KCNA6: variants seen among roughly 807,000 people sequenced by gnomAD.
KCNA6 encodes human brain potassium channel-2.
A neutral mutation model predicts 29.5 loss-of-function variants in KCNA6; 17 were observed. The observed-to-expected ratio is 0.58, with a 90% CI of 0.39 to 0.86. The LOEUF is 0.86. Ranked by LOEUF, KCNA6 falls within the 40% of genes least tolerant of loss-of-function variation. The pLI, the probability that KCNA6 is intolerant of heterozygous loss-of-function variation, is 0.00. For synonymous variants in KCNA6, 296 were observed against 304.7 expected, an observed-to-expected ratio of 0.97 and a Z score of 0.30; for missense variants, 450 against 703.4, an observed-to-expected ratio of 0.64 and a Z score of 4.07.
downstream of KCNA6, among the ~76,000 whole-genome samples, chr12:4,816,680 A>G (rs77965268): frequency 1.3e-5 from 2 of 152,134 alleles, no homozygotes; most frequent in African/African-American, 4.8e-5. Context: ...TTGTGGGTAC[A>G]TAAAGGTTTT....
the KCNA6 span, among the ~76,000 whole-genome samples, chr12:4,842,049 G>T: frequency 2.5e-4 from 38 of 151,070 alleles, no homozygotes; most frequent in African/African-American, 8.3e-4. Context: ...GTGTGTGTGT[G>T]TGTGTGTGTG....
chr12:4,812,325 G>T (rs1946640429), exon 1 of KCNA6: 1 of 167,244 alleles, frequency 6.0e-6, no homozygotes, highest in Non-Finnish European at 1.5e-5. Flanking sequence ...AAGAGGCACT[G>T]GTGTTCGGTC....
At chr12:4,827,142 C>T in the KCNA6 span, among the ~76,000 whole-genome samples, 1 of 124,990 alleles carries the variant, frequency 8.0e-6, no homozygotes, top group African/African-American at 2.8e-5. Flanking sequence ...TCCTCCCTCC[C>T]TCTCTCCCTC....
chr12:4,818,146 G>A (rs552224602), downstream of KCNA6, among the ~76,000 whole-genome samples: 16 of 152,312 alleles, frequency 1.1e-4, no homozygotes, highest in South Asian at 3.3e-3. Context: ...CGTGGCACCT[G>A]GCTAGTGGGG....
At chr12:4,836,787 C>T in the KCNA6 span, among the ~76,000 whole-genome samples, 2 of 152,196 alleles carry the variant, frequency 1.3e-5, no homozygotes, top group African/African-American at 2.4e-5. Flanking sequence ...GCATTGAGGG[C>T]ACCCAGTGGG....
the KCNA6 span, among the ~76,000 whole-genome samples, chr12:4,834,491 C>T: frequency 2.6e-5 from 4 of 152,220 alleles, no homozygotes; most frequent in South Asian, 2.1e-4. Flanking sequence ...ATGGCAGATA[C>T]GAGTAAACAG....
At chr12:4,849,460 C>T in the KCNA6 span, among the ~76,000 whole-genome samples, 6 of 149,386 alleles carry the variant, frequency 4.0e-5, no homozygotes, top group Non-Finnish European at 8.9e-5. Flanking sequence ...ACCTGATGGC[C>T]ACTGGAATTT....
the KCNA6 span, among the ~76,000 whole-genome samples, chr12:4,839,846 C>G: frequency 6.6e-6 from 1 of 152,314 alleles, no homozygotes; most frequent in African/African-American, 2.4e-5. Context: ...TCCCATTTAT[C>G]AGAGGAGGCC....
At chr12:4,822,902 T>C in the KCNA6 span, among the ~76,000 whole-genome samples, 4 of 152,228 alleles carry the variant, frequency 2.6e-5, no homozygotes, top group South Asian at 2.1e-4. Context: ...TGGTTTCAGC[T>C]CTCAGGTGGA....
chr12:4,849,493 T>A, the KCNA6 span, among the ~76,000 whole-genome samples: 1 of 27,788 alleles, frequency 3.6e-5, no homozygotes. Context: ...TTTGCTCTTT[T>A]TTTTTTTTTT....
exon 1 of KCNA6, chr12:4,809,662 G>A (rs1232520917): frequency 5.2e-6 from 1 of 193,376 alleles, no homozygotes; most frequent in African/African-American, 2.3e-5. Context: ...GAGCTAGCCC[G>A]GCTGGAGGGC....
chr12:4,818,470 G>A, the KCNA6 span, among the ~76,000 whole-genome samples: 11 of 152,144 alleles, frequency 7.2e-5, no homozygotes, highest in Non-Finnish European at 1.3e-4. Flanking sequence ...ATCTGATAGG[G>A]TTGTTTTGAG....
At chr12:4,826,535 C>A in the KCNA6 span, among the ~76,000 whole-genome samples, 1 of 152,226 alleles carries the variant, frequency 6.6e-6, no homozygotes, top group East Asian at 1.9e-4. Flanking sequence ...AGGATTGCAT[C>A]CAATTCTGGG....
downstream of KCNA6, among the ~76,000 whole-genome samples, chr12:4,815,650 G>T (rs1395390277): frequency 1.3e-5 from 2 of 152,196 alleles, no homozygotes; most frequent in East Asian, 3.8e-4. Flanking sequence ...TTAAATAGGG[G>T]ATGGCTTTAG....
At chr12:4,823,416 CTTT>C in the KCNA6 span, among the ~76,000 whole-genome samples, 1 of 146,272 alleles carries the variant, frequency 6.8e-6, no homozygotes, top group Admixed American at 6.8e-5. Flanking sequence ...GGAAAAAAAG[CTTT>C]TTTTTTTTTT....
the KCNA6 span, chr12:4,851,000 G>A: frequency 3.2e-5 from 11 of 340,032 alleles, no homozygotes; most frequent in African/African-American, 2.4e-4. This position sits in a 1 kb window ranked among gnomAD's most constrained non-coding sequence, Gnocchi z 5.4. Flanking sequence ...TGAGCAAAGA[G>A]ACCAGCTATG....
At chr12:4,826,072 A>C in the KCNA6 span, among the ~76,000 whole-genome samples, 1 of 152,222 alleles carries the variant, frequency 6.6e-6, no homozygotes, top group Non-Finnish European at 1.5e-5. Flanking sequence ...TTTTCTCAGT[A>C]TTCTTTTCCA....
At chr12:4,835,584 A>G in the KCNA6 span, among the ~76,000 whole-genome samples, 3 of 151,644 alleles carry the variant, frequency 2.0e-5, no homozygotes, top group South Asian at 4.2e-4. Context: ...TCATCTAACT[A>G]TGCGCTTAGA....
the KCNA6 span, among the ~76,000 whole-genome samples, chr12:4,843,531 G>T: frequency 1.3e-5 from 2 of 152,242 alleles, no homozygotes; most frequent in South Asian, 4.2e-4. Context: ...TTTGAAAAGC[G>T]AAACAATAGT....
Sources: allele counts gnomAD v4.1 joint callset (sites outside exome capture counted in the v4.1 genomes callset), GRCh38; gene constraint gnomAD v4.1.1; non-coding constraint Gnocchi (gnomAD v3.1); transcripts MANE v1.5; gene names NCBI Gene and HGNC (gene_info 2026-07-23, HGNC 2026-07-21).